The following MKLN1 variants were observed in gnomAD, a reference collection of about 807,000 sequenced individuals.
MKLN1 encodes the protein muskelin 1.
MKLN1 carries 18 observed loss-of-function variants against 99.0 expected under a neutral mutation model. That is an observed-to-expected ratio of 0.18 (90% CI 0.13 to 0.27). The LOEUF (loss-of-function observed/expected upper bound fraction) is 0.27. MKLN1 is among the 10% of genes least tolerant of loss of function. The pLI is 1.00. For synonymous variants in MKLN1, 288 were observed against 293.2 expected (o/e 0.98, Z 0.18); for missense variants, 621 against 875.9 (o/e 0.71, Z 3.67).
intron 1 of MKLN1, among the ~76,000 whole-genome samples, chr7:131,332,205 G>A (rs1213512643): frequency 6.6e-6 from 1 of 151,610 alleles, no homozygotes; most frequent in Non-Finnish European, 1.5e-5. Flanking sequence ...GGAGGCTGAG[G>A]CAGGACCATC....
intron 3 of MKLN1, among the ~76,000 whole-genome samples, chr7:131,322,732 G>A (rs1181702742): frequency 6.6e-6 from 1 of 151,340 alleles, no homozygotes; most frequent in South Asian, 2.1e-4. Context: ...CACCGCGCCC[G>A]GCTAATTTTT....
At chr7:131,477,798 T>TA in intron 16 of MKLN1, among the ~76,000 whole-genome samples, 1 of 152,356 alleles carries the variant, frequency 6.6e-6, no homozygotes, top group Middle Eastern at 3.4e-3. Flanking sequence ...TTGGTGATAC[T>TA]AACTGCTCAA....
At chr7:131,480,233 T>C (rs1562887514) in intron 17 of MKLN1, among the ~76,000 whole-genome samples, 1 of 152,176 alleles carries the variant, frequency 6.6e-6, no homozygotes, top group Non-Finnish European at 1.5e-5. Flanking sequence ...CTGGTGCAGT[T>C]ATTATTTGCC....
At chr7:131,468,831 T>C (rs547983383) in intron 15 of MKLN1, among the ~76,000 whole-genome samples, 1 of 152,300 alleles carries the variant, frequency 6.6e-6, no homozygotes, top group South Asian at 2.1e-4. Flanking sequence ...ACTGATCTCT[T>C]TACTGGATAT....
intron 8 of MKLN1, among the ~76,000 whole-genome samples, chr7:131,418,942 T>C (rs530291240): frequency 1.3e-5 from 2 of 152,246 alleles, no homozygotes; most frequent in South Asian, 4.1e-4. Flanking sequence ...AACAGGTCTC[T>C]AGTTGTGACT....
At chr7:131,159,258 C>T (rs1796013161) in intron 2 of MKLN1, among the ~76,000 whole-genome samples, 1 of 152,122 alleles carries the variant, frequency 6.6e-6, no homozygotes. Flanking sequence ...GGGGGACAGG[C>T]TGATCAGGTT....
At chr7:131,144,067 G>A (rs191287039) in intron 2 of MKLN1, among the ~76,000 whole-genome samples, 5 of 152,186 alleles carry the variant, frequency 3.3e-5, no homozygotes, top group Admixed American at 3.3e-4. Flanking sequence ...TCCTTTCCTA[G>A]AATGTAAGCA....
intron 2 of MKLN1, among the ~76,000 whole-genome samples, chr7:131,166,145 G>A (rs543600174): frequency 1.3e-5 from 2 of 152,150 alleles, no homozygotes; most frequent in African/African-American, 4.8e-5. Context: ...TTTGGCGGTA[G>A]GAATGGACAG....
Position 131,495,265 on chromosome 7 carries a change from A to G in MKLN1, c.*7537A>G, listed in dbSNP as rs986502389. 4 of 152,204 alleles carry G rather than the reference A, an allele frequency of 2.6e-5. No individual in the cohort carries two copies. Among genetic ancestry groups the G allele is most frequent in the African/African-American group, 4.8e-5 (2 of 41,450 alleles). 9.4% of individuals were successfully genotyped at this position (152,204 alleles called of 1,614,324 possible). ...AAAATTAGATTGAGAAGAAAGATAC[A>G]ACTTCCTCCATAGCCAATAAAATCT... On this transcript the variant is annotated 3_prime_UTR_variant, in exon 18 of 18. Transcript: ENST00000352689.
chr7:131,372,950 G>T (rs1283823968), intron 1 of MKLN1, among the ~76,000 whole-genome samples: 4 of 148,902 alleles, frequency 2.7e-5, no homozygotes, highest in Non-Finnish European at 1.5e-5. Context: ...CCTTTTTCCT[G>T]CAGTATGTTT....
At chr7:131,297,009 G>A (rs1365109484) in intron 3 of MKLN1, among the ~76,000 whole-genome samples, 6 of 152,042 alleles carry the variant, frequency 3.9e-5, no homozygotes, top group African/African-American at 1.4e-4. Flanking sequence ...AAAGTGCTGG[G>A]ATTACAGGCA....
At chr7:131,303,180 A>G (rs1304747517) in intron 3 of MKLN1, among the ~76,000 whole-genome samples, 1 of 152,244 alleles carries the variant, frequency 6.6e-6, no homozygotes, top group African/African-American at 2.4e-5. Flanking sequence ...AAGCTCTGCA[A>G]ACCAAGGAAG....
At chr7:131,168,575 C>T (rs1168022721) in intron 2 of MKLN1, among the ~76,000 whole-genome samples, 1 of 152,076 alleles carries the variant, frequency 6.6e-6, no homozygotes, top group African/African-American at 2.4e-5. Context: ...CTTACCACCA[C>T]CTGACATATT....
intron 3 of MKLN1, among the ~76,000 whole-genome samples, chr7:131,224,303 T>C (rs949490469): frequency 6.6e-5 from 10 of 152,186 alleles, no homozygotes; most frequent in Non-Finnish European, 5.9e-5. Flanking sequence ...CCCAGCACTT[T>C]GGGAGGCCAA....
intron 7 of MKLN1, among the ~76,000 whole-genome samples, chr7:131,412,917 T>G (rs572781598): frequency 3.9e-5 from 6 of 152,326 alleles, no homozygotes; most frequent in Non-Finnish European, 5.9e-5. Flanking sequence ...TAATTGATGT[T>G]ACATGAACAT....
intron 3 of MKLN1, among the ~76,000 whole-genome samples, chr7:131,271,544 G>A (rs1025829424): frequency 2.6e-5 from 4 of 151,720 alleles, no homozygotes; most frequent in Non-Finnish European, 5.9e-5. Context: ...GTGAACCCGG[G>A]AGGCGGAGCT....
intron 3 of MKLN1, among the ~76,000 whole-genome samples, chr7:131,275,565 ATATTTTTT>A (rs1220800832): frequency 1.5e-4 from 1 of 6,610 alleles, no homozygotes; most frequent in African/African-American, 5.6e-4. Context: ...ATATATATAT[ATATTTTTT>A]TTTTTTTTTT....
At chr7:131,474,052 AGGCAGGAG>A (rs1796900502) in intron 16 of MKLN1, among the ~76,000 whole-genome samples, 3 of 152,120 alleles carry the variant, frequency 2.0e-5, no homozygotes, top group Non-Finnish European at 4.4e-5. Context: ...CGGGAGGTTG[AGGCAGGAG>A]AATCTCTTGA....
At chr7:131,285,478 T>A (rs1295550901) in intron 3 of MKLN1, among the ~76,000 whole-genome samples, 2 of 152,222 alleles carry the variant, frequency 1.3e-5, no homozygotes, top group African/African-American at 2.4e-5. Context: ...GTTTCCATGT[T>A]AACTTATTAT....
Sources: allele counts gnomAD v4.1 joint callset (sites outside exome capture counted in the v4.1 genomes callset), GRCh38; gene constraint gnomAD v4.1.1; transcripts MANE v1.5; gene names NCBI Gene and HGNC (gene_info 2026-07-23, HGNC 2026-07-21).